Variants in LRRC4B observed in about 807,000 individuals in gnomAD.
LRRC4B encodes the protein leucine rich repeat containing 4B.
A neutral mutation model predicts 7.3 loss-of-function variants in LRRC4B; 1 was observed. That is an observed-to-expected ratio of 0.14 (90% CI 0.05 to 0.65). The LOEUF is 0.65. LRRC4B is among the 30% of genes least tolerant of loss of function. The pLI, the probability that LRRC4B is intolerant of heterozygous loss-of-function variation, is 0.84. For synonymous variants in LRRC4B, 500 were observed against 499.2 expected (o/e 1.00, Z -0.02); for missense variants, 730 against 1,041.6 (o/e 0.70, Z 4.12).
chr19:50,557,909 C>T (rs1235214272), intron 1 of LRRC4B: 1 of 152,092 alleles, frequency 6.6e-6, no homozygotes, highest in Non-Finnish European at 1.5e-5. Context: ...TCAGGGGAGC[C>T]CGTTACGATG....
rs777580200 is a variant in LRRC4B at position 50,518,189 on chromosome 19, C to T, written c.1524G>A (p.Gly508=). Residue 508 remains glycine (G), a synonymous_variant, in exon 3 of 3, where the codon GGG becomes GGA. Transcript: ENST00000652263. ...TGGGCCCTGGCGGTTCCTTCTCCGT[C>T]CCCCGCGGCTGCAGGGCCTCCTCTC... is the stretch of plus-strand genomic sequence containing the variant. ...QPGEEALQPR[G]TEKEPPGPTT... is the part of the protein sequence containing the mutation. 15 of 1,607,854 alleles carry T rather than the reference C, an allele frequency of 9.3e-6. No homozygotes were observed. The highest frequency in any genetic ancestry group is 5.0e-5 in the Admixed American group (3 of 59,828).
intron 2 of LRRC4B, among the ~76,000 whole-genome samples, chr19:50,524,976 G>A (rs1980739277): frequency 6.6e-6 from 1 of 152,202 alleles, no homozygotes; most frequent in African/African-American, 2.4e-5. Context: ...GAGGAAACAG[G>A]AGCCTAAAGA....
At chr19:50,530,158 G>T (rs558455439) in intron 2 of LRRC4B, among the ~76,000 whole-genome samples, 7 of 151,932 alleles carry the variant, frequency 4.6e-5, no homozygotes, top group African/African-American at 1.5e-4. Context: ...TGGGCCCGCC[G>T]CAGCCTCCTG....
chr19:50,528,621 G>C (rs965921616), intron 2 of LRRC4B, among the ~76,000 whole-genome samples: 1 of 152,094 alleles, frequency 6.6e-6, no homozygotes, highest in Admixed American at 6.6e-5. Flanking sequence ...CTGCGATGAC[G>C]GGCGTGAGCC....
At position 50,548,783 on chromosome 19, in the gene LRRC4B, CA is replaced by C; in HGVS notation, c.55del (p.Trp19GlyfsTer25). 1 of 1,526,860 alleles carries C rather than the reference CA, an allele frequency of 6.5e-7. No individual in the cohort carries two copies. Among genetic ancestry groups the C allele is most frequent in the Non-Finnish European group, 8.8e-7 (1 of 1,141,494 alleles). The allele number at this position is 1,526,860 out of a possible 1,614,324, so 94.6% of individuals were successfully genotyped here. On this transcript the variant is annotated frameshift_variant, in exon 2 of 3. Transcript: ENST00000652263. LOFTEE classifies it high-confidence loss of function. The surrounding 1 kb of genome is among the most constrained non-coding windows in gnomAD (Gnocchi z 6.8). ...GAGGAAGAGCAATGCCCCGTGGGGC[CA>C]GGACATCCTACCGGGCGGCAGCGGG... ...CPPLPPGRMSWPHGALLFLWL... is the reference protein window; with the variant it reads ...CPPLPPGRMSXPHGALLFLWL...
chr19:50,526,410 C>T (rs1260087936), intron 2 of LRRC4B, among the ~76,000 whole-genome samples: 2 of 152,168 alleles, frequency 1.3e-5, no homozygotes, highest in Admixed American at 1.3e-4. Context: ...GTCCCGTCTC[C>T]CCACCCCAGT....
rs1325214756 is a variant in LRRC4B at position 50,518,601 on chromosome 19, G to T, written c.1112C>A (p.Thr371Lys). ...CATGCCCTCGGTGACGTTGAGGTCC[G>T]TGGGCGGCTCCACGATGACGGGCGC... ...CYAPVIVEPP[T>K]DLNVTEGMAA... is the part of the protein sequence containing the mutation. Residue 371 changes from threonine (T) to lysine (K), a missense_variant, in exon 3 of 3, where the codon ACG (threonine) becomes AAG (lysine). This residue lies in a region of LRRC4B where 226 missense variants were observed against 448.0 expected (regional missense o/e 0.50). Coordinates refer to ENST00000652263, the MANE Select transcript of LRRC4B (RefSeq NM_001080457.2). The T allele has an allele frequency of 6.3e-7, 1 of 1,599,934 alleles. No homozygotes were observed. The highest frequency in any genetic ancestry group is 2.2e-5 in the East Asian group (1 of 44,630).
intron 2 of LRRC4B, among the ~76,000 whole-genome samples, chr19:50,538,487 G>A (rs1981390838): frequency 6.6e-6 from 1 of 151,666 alleles, no homozygotes; most frequent in Non-Finnish European, 1.5e-5. Context: ...TAATTTAAAA[G>A]CTATTCTTGG....
intron 2 of LRRC4B, among the ~76,000 whole-genome samples, chr19:50,545,028 T>C (rs943683330): frequency 6.7e-6 from 1 of 149,452 alleles, no homozygotes; most frequent in African/African-American, 2.5e-5. Context: ...GGGAGAATGG[T>C]GTGAACCCAG....
At position 50,548,781 on chromosome 19, in the gene LRRC4B, G is replaced by A; in HGVS notation, c.58C>T (p.Pro20Ser). 6.5e-7 allele frequency: 1 copy of A among 1,528,164 alleles called. No homozygotes were observed. The highest frequency in any genetic ancestry group is 8.8e-7 in the Non-Finnish European group (1 of 1,142,006). The allele number at this position is 1,528,164 out of a possible 1,614,324, so 94.7% of individuals were successfully genotyped here. Residue 20 changes from proline to serine, a missense_variant, in exon 2 of 3, where the codon CCC (proline) becomes TCC (serine). Coordinates refer to ENST00000652263, the MANE Select transcript of LRRC4B (RefSeq NM_001080457.2). This position sits in a 1 kb window ranked among gnomAD's most constrained non-coding sequence, Gnocchi z 6.8. The part of the protein sequence containing the change: ...PPLPPGRMSW[P>S]HGALLFLWLF... ...CAGAGGAAGAGCAATGCCCCGTGGGGCCAGGACATCCTACCGGGCGGCAGC... is the reference window on the plus strand; with the variant it reads ...CAGAGGAAGAGCAATGCCCCGTGGGACCAGGACATCCTACCGGGCGGCAGC...
chr19:50,562,514 A>G (rs150254671), intron 1 of LRRC4B, among the ~76,000 whole-genome samples: 1 of 152,198 alleles, frequency 6.6e-6, no homozygotes, highest in Non-Finnish European at 1.5e-5. Flanking sequence ...GGGAGGGCCA[A>G]TCTCCTCTGC....
rs747948465 is a variant in LRRC4B, at chr19:50,517,557, C to G, written c.*14G>C. On this transcript the variant is annotated 3_prime_UTR_variant, in exon 3 of 3. Coordinates refer to ENST00000652263, the MANE Select transcript of LRRC4B (RefSeq NM_001080457.2). This position sits in a 1 kb window ranked among gnomAD's most constrained non-coding sequence, Gnocchi z 6.6. ...GGGGGGCTCCACGCCCCTCGCCCGCCCGGCCCCGCCGCCTCAGATCTGCGT... is the reference window on the plus strand; with the variant it reads ...GGGGGGCTCCACGCCCCTCGCCCGCGCGGCCCCGCCGCCTCAGATCTGCGT... 1 of 1,418,900 alleles carries G rather than the reference C, an allele frequency of 7.0e-7. No homozygotes were observed. The highest frequency in any genetic ancestry group is 2.9e-5 in the Admixed American group (1 of 34,440). The allele number at this position is 1,418,900 out of a possible 1,614,324, so 87.9% of individuals were successfully genotyped here. A position where few individuals can be genotyped will look rare whatever the true frequency, so the allele number is the denominator to read the frequency against.
rs1367255134 is a variant in LRRC4B, at chr19:50,548,537, C to A, written c.297+5G>T. The stretch of plus-strand genomic sequence containing the variant: ...GGTCCCCCTCTGCCCGCTGGCCCCG[C>A]ATACCTGGATGCCGTTCTCTTGCAG... On this transcript the variant is annotated splice_donor_5th_base_variant and intron_variant, in intron 2 of 2. Coordinates refer to ENST00000652263, the MANE Select transcript of LRRC4B (RefSeq NM_001080457.2). This position sits in a 1 kb window ranked among gnomAD's most constrained non-coding sequence, Gnocchi z 6.8. The A allele has an allele frequency of 2.5e-6, 4 of 1,591,118 alleles. No homozygotes were observed. The highest frequency in any genetic ancestry group is 1.3e-5 in the African/African-American group (1 of 74,822).
At chr19:50,566,491 G>C (rs1032600491) in intron 1 of LRRC4B, among the ~76,000 whole-genome samples, 1 of 151,616 alleles carries the variant, frequency 6.6e-6, no homozygotes, top group Non-Finnish European at 1.5e-5. Flanking sequence ...CGGGGAGGGG[G>C]CAGGGAGGAG....
rs779023193 is a variant in LRRC4B at position 50,548,832 on chromosome 19, G to T, written c.7C>A (p.Arg3Ser). ...GGGGGGCACGGGGAGCCGCGGGCAC[G>T]CGCCATCCTCAATGTTCATGCTCCG... is the stretch of plus-strand genomic sequence containing the variant. MA[R>S]ARGSPCPPLP... Residue 3 changes from arginine to serine, a missense_variant, in exon 2 of 3, where the codon CGT (arginine) becomes AGT (serine). By Grantham distance (110) the Arg-to-Ser change is moderately radical (BLOSUM62 -1). Around this residue, in one of 6 missense-constraint regions of LRRC4B, gnomAD observed 143 missense variants for 158.4 expected, o/e 0.90. Coordinates refer to ENST00000652263, the MANE Select transcript of LRRC4B (RefSeq NM_001080457.2). The surrounding 1 kb of genome is among the most constrained non-coding windows in gnomAD (Gnocchi z 6.8). 6.8e-7 allele frequency: 1 copy of T among 1,477,258 alleles called. No individual in the cohort carries two copies. The highest frequency in any genetic ancestry group is 8.9e-7 in the Non-Finnish European group (1 of 1,119,026). 91.5% of individuals were successfully genotyped at this position (1,477,258 alleles called of 1,614,324 possible). A position where few individuals can be genotyped will look rare whatever the true frequency, so the allele number is the denominator to read the frequency against.
chr19:50,554,634 A>G (rs1599784077), intron 1 of LRRC4B, among the ~76,000 whole-genome samples: 1 of 152,014 alleles, frequency 6.6e-6, no homozygotes, highest in Admixed American at 6.6e-5. Context: ...ACTTGCGTGA[A>G]CTCACTGAAT....
intron 2 of LRRC4B, among the ~76,000 whole-genome samples, chr19:50,523,688 G>C (rs1007342335): frequency 1.3e-5 from 2 of 151,816 alleles, no homozygotes; most frequent in Non-Finnish European, 2.9e-5. Context: ...GCCGGGCATG[G>C]TGGCTCATGC....
At chr19:50,522,539 T>C (rs922163376) in intron 2 of LRRC4B, among the ~76,000 whole-genome samples, 1 of 152,108 alleles carries the variant, frequency 6.6e-6, no homozygotes, top group Non-Finnish European at 1.5e-5. Flanking sequence ...TGCAGAGGCG[T>C]GATCTCGGCT....
At chr19:50,527,013 C>G (rs1980838720) in intron 2 of LRRC4B, among the ~76,000 whole-genome samples, 1 of 147,362 alleles carries the variant, frequency 6.8e-6, no homozygotes, top group Non-Finnish European at 1.5e-5. Context: ...GCCACTACGC[C>G]CGGCTAATTT....
Sources: allele counts gnomAD v4.1 joint callset (sites outside exome capture counted in the v4.1 genomes callset), GRCh38; gene constraint gnomAD v4.1.1; regional missense constraint gnomAD v4.1.1; non-coding constraint Gnocchi (gnomAD v3.1); transcripts MANE v1.5; gene names NCBI Gene and HGNC (gene_info 2026-07-23, HGNC 2026-07-21).